The following CNTNAP3B variants were observed in gnomAD, a reference collection of about 807,000 sequenced individuals.
The protein encoded by CNTNAP3B is contactin-associated protein-like 3B.
A neutral mutation model predicts 108.9 loss-of-function variants in CNTNAP3B; 25 were observed. The ratio of observed to expected loss-of-function variants is 0.23; its 90% CI spans 0.17 to 0.32. The LOEUF (loss-of-function observed/expected upper bound fraction) is 0.32. Among genes scored for constraint, CNTNAP3B ranks in the 10% least tolerant of loss-of-function variants. The pLI, the probability that CNTNAP3B is intolerant of heterozygous loss-of-function variation, is 1.00. For synonymous variants in CNTNAP3B, 103 were observed against 473.4 expected, an observed-to-expected ratio of 0.22 and a Z score of 10.16; for missense variants, 252 against 1,210.4, an observed-to-expected ratio of 0.21 and a Z score of 11.75.
At position 42,109,046 on chromosome 9, in the gene CNTNAP3B, A is replaced by C. The variant is rs867382716; in HGVS notation, c.86-4307T>G. Among the ~76,000 whole-genome samples, 144 of 138,986 alleles carry C rather than the reference A, an allele frequency of 1.0e-3. 8 individuals are homozygous for C. The South Asian group carries it at 0.033, about 32-fold the overall frequency. 91.2% of individuals were successfully genotyped at this position (138,986 alleles called of 152,430 possible). ...TCAATTTGAGGAATTGCCCTTACCT[A>C]AGACAGAGATGATATACTTTTCAAA... On this transcript the variant is annotated intron_variant, in intron 1 of 23. Coordinates refer to ENST00000377561, the MANE Select transcript of CNTNAP3B (RefSeq NM_001201380.3).
At chr9:42,033,051 C>G (rs972718683) in intron 3 of CNTNAP3B, among the ~76,000 whole-genome samples, 1 of 144,076 alleles carries the variant, frequency 6.9e-6, no homozygotes, top group African/African-American at 2.7e-5. Context: ...TCTGTCCATA[C>G]AGCACTCCAT....
At chr9:42,045,315 TAAAC>T (rs1462104601) in intron 3 of CNTNAP3B, among the ~76,000 whole-genome samples, 1 of 123,468 alleles carries the variant, frequency 8.1e-6, no homozygotes, top group Admixed American at 8.3e-5. Flanking sequence ...TCTATCATCT[TAAAC>T]AATACAGTAT....
chr9:41,931,630 T>C (rs1564147135), intron 14 of CNTNAP3B, among the ~76,000 whole-genome samples: 1 of 150,530 alleles, frequency 6.6e-6, no homozygotes, highest in Non-Finnish European at 1.5e-5. Context: ...TTATTCATTT[T>C]AATGCAAAGA....
intron 2 of CNTNAP3B, among the ~76,000 whole-genome samples, chr9:42,097,497 C>G (rs1356089353): frequency 7.2e-6 from 1 of 139,720 alleles, no homozygotes; most frequent in East Asian, 2.2e-4. Flanking sequence ...CTCAAAGAAC[C>G]ATTTAGAGTC....
intron 12 of CNTNAP3B, among the ~76,000 whole-genome samples, chr9:41,954,105 A>T (rs1409341412): frequency 3.9e-5 from 6 of 152,244 alleles, no homozygotes; most frequent in Non-Finnish European, 8.8e-5. Context: ...ACCTCCCACC[A>T]GACTTGAAGT....
chr9:42,075,516 T>C (rs907997880), intron 3 of CNTNAP3B, among the ~76,000 whole-genome samples: 1 of 133,342 alleles, frequency 7.5e-6, no homozygotes, highest in Non-Finnish European at 1.6e-5. Context: ...GTAAGAACCT[T>C]AACCTTTACG....
At chr9:42,095,255 G>A (rs1827876894) in intron 2 of CNTNAP3B, among the ~76,000 whole-genome samples, 2 of 136,950 alleles carry the variant, frequency 1.5e-5, no homozygotes, top group East Asian at 2.2e-4. Flanking sequence ...CCACATGTAA[G>A]TGAGACTATA....
At chr9:41,954,856 G>A (rs1418747465) in intron 12 of CNTNAP3B, among the ~76,000 whole-genome samples, 1 of 152,224 alleles carries the variant, frequency 6.6e-6, no homozygotes, top group African/African-American at 2.4e-5. Flanking sequence ...GCTAATTTTT[G>A]TATTTTTTGG....
chr9:42,113,326 T>C (rs961777209), intron 1 of CNTNAP3B, among the ~76,000 whole-genome samples: 4 of 137,866 alleles, frequency 2.9e-5, no homozygotes, highest in Non-Finnish European at 6.2e-5. Context: ...TTGTTCTCTT[T>C]CCTTTTATTT....
At chr9:42,111,019 C>T (rs1463048748) in intron 1 of CNTNAP3B, among the ~76,000 whole-genome samples, 1 of 138,986 alleles carries the variant, frequency 7.2e-6, no homozygotes, top group Non-Finnish European at 1.5e-5. Flanking sequence ...CGATTATCTT[C>T]AGTCACTGTC....
At position 41,929,609 on chromosome 9, in the gene CNTNAP3B, G is replaced by C. The variant is rs1009245869; in HGVS notation, c.2238-165C>G. Among the ~76,000 whole-genome samples the C allele has an allele frequency of 1.2e-4, 16 of 138,760 alleles. 2 individuals are homozygous for C. The highest frequency in any genetic ancestry group is 1.9e-4 in the Non-Finnish European group (12 of 64,726). 91.0% of individuals were successfully genotyped at this position (138,760 alleles called of 152,430 possible). On this transcript the variant is annotated intron_variant, in intron 14 of 23. Coordinates refer to ENST00000377561, the MANE Select transcript of CNTNAP3B (RefSeq NM_001201380.3). ...AGAGACTACCATGAATCTAAATCAG[G>C]GATGGGCAAACATTTTGTGTAAAGG... is the stretch of plus-strand genomic sequence containing the variant.
At chr9:41,922,572 C>G in intron 17 of CNTNAP3B, 105 bp downstream of exon 17, 2 of 1,583,170 alleles carry the variant, frequency 1.3e-6, no homozygotes, top group Non-Finnish European at 1.7e-6. Context: ...TACCAATAAG[C>G]AGTAGTTGTT....
chr9:42,099,000 G>C (rs1452042476), intron 2 of CNTNAP3B, among the ~76,000 whole-genome samples: 1 of 137,304 alleles, frequency 7.3e-6, no homozygotes, highest in Non-Finnish European at 1.6e-5. Context: ...GTTGTGTGCA[G>C]CACAAATTCC....
At chr9:41,925,492 C>T (rs1323886114) in intron 15 of CNTNAP3B, among the ~76,000 whole-genome samples, 1 of 152,246 alleles carries the variant, frequency 6.6e-6, no homozygotes, top group Non-Finnish European at 1.5e-5. Context: ...AGTCGGGAGG[C>T]TGAGGCAGGA....
At chr9:42,111,040 C>T (rs1428487962) in intron 1 of CNTNAP3B, among the ~76,000 whole-genome samples, 1 of 138,796 alleles carries the variant, frequency 7.2e-6, no homozygotes, top group Admixed American at 7.2e-5. Context: ...TTCCCTACAT[C>T]TCACTCCATG....
chr9:41,943,042 T>C (rs200854585), intron 13 of CNTNAP3B, among the ~76,000 whole-genome samples: 3,476 of 151,544 alleles, frequency 0.023, no homozygotes, highest in South Asian at 0.049. Context: ...TTTGGAAATA[T>C]CAGATAAGGA....
chr9:41,931,106 T>G (rs1208866779), intron 14 of CNTNAP3B, among the ~76,000 whole-genome samples: 1 of 152,406 alleles, frequency 6.6e-6, no homozygotes, highest in Non-Finnish European at 1.5e-5. Flanking sequence ...TTGTATGCAT[T>G]TGTGGCAAAA....
intron 7 of CNTNAP3B, chr9:41,993,963 G>T (rs1825850598): frequency 7.0e-6 from 1 of 142,888 alleles, no homozygotes; most frequent in Non-Finnish European, 1.5e-5. Context: ...TTTTCTTGAG[G>T]ATGATATCCA....
intron 11 of CNTNAP3B, among the ~76,000 whole-genome samples, chr9:41,963,723 A>G (rs1825176610): frequency 6.6e-6 from 1 of 151,472 alleles, no homozygotes; most frequent in South Asian, 2.1e-4. Flanking sequence ...TGGACCACCA[A>G]TCAGGCATCC....
Sources: gnomAD v4.1 joint callset for allele counts (sites outside exome capture counted in the v4.1 genomes callset) on GRCh38, gnomAD v4.1.1 for gene constraint, MANE v1.5 for transcripts, NCBI Gene and HGNC (gene_info 2026-07-23, HGNC 2026-07-21) for gene names.